The following NRG3 variants were observed in gnomAD, a reference collection of about 807,000 sequenced individuals.
NRG3 encodes the protein pro-neuregulin-3, membrane-bound isoform.
NRG3 carries 31 observed loss-of-function variants against 66.9 expected under a neutral mutation model. The observed-to-expected ratio is 0.46, with a 90% CI of 0.35 to 0.63. The LOEUF (loss-of-function observed/expected upper bound fraction) is 0.63, where lower values mean the gene tolerates loss of function less well. Among genes scored for constraint, NRG3 ranks in the 20% least tolerant of loss-of-function variants. The pLI is 0.00. For synonymous variants in NRG3, 393 were observed against 359.4 expected, an observed-to-expected ratio of 1.09 and a Z score of -1.06; for missense variants, 910 against 878.9, an observed-to-expected ratio of 1.04 and a Z score of -0.45.
chr10:82,154,969 T>G (rs2071076410), intron 1 of NRG3, among the ~76,000 whole-genome samples: 1 of 151,816 alleles, frequency 6.6e-6, no homozygotes, highest in Admixed American at 6.6e-5. Context: ...TAGGGTTTCT[T>G]CTATATAAGA....
intron 3 of NRG3, among the ~76,000 whole-genome samples, chr10:82,805,444 C>T (rs987124797): frequency 3.3e-5 from 5 of 152,114 alleles, no homozygotes; most frequent in Middle Eastern, 3.4e-3. Flanking sequence ...CTGTGTCTTT[C>T]TTTTATTTAT....
chr10:82,055,798 G>A (rs2133184377), intron 1 of NRG3, among the ~76,000 whole-genome samples: 1 of 152,244 alleles, frequency 6.6e-6, no homozygotes, highest in East Asian at 1.9e-4. Context: ...CGATGAGAAG[G>A]GCTGGAACAG....
intron 6 of NRG3, among the ~76,000 whole-genome samples, chr10:82,972,973 T>C (rs933659157): frequency 6.6e-6 from 1 of 152,182 alleles, no homozygotes; most frequent in African/African-American, 2.4e-5. Flanking sequence ...GATTCAAAAC[T>C]CTCTTTTATT....
At chr10:82,547,282 T>C (rs664183) in intron 2 of NRG3, among the ~76,000 whole-genome samples, 31,602 of 151,634 alleles carry the variant, frequency 0.21, 4,546 homozygotes, top group African/African-American at 0.41. Flanking sequence ...ACTTCATTCA[T>C]TTTCAGATAC....
At chr10:82,730,239 C>T (rs560742156) in intron 2 of NRG3, among the ~76,000 whole-genome samples, 135 of 152,062 alleles carry the variant, frequency 8.9e-4, no homozygotes, top group African/African-American at 2.2e-3. Flanking sequence ...TGCCCACCAC[C>T]GTGCCTGGCT....
chr10:82,157,449 A>G (rs1397626808), intron 1 of NRG3, among the ~76,000 whole-genome samples: 1 of 151,790 alleles, frequency 6.6e-6, no homozygotes, highest in Non-Finnish European at 1.5e-5. Flanking sequence ...TATTTTTCTT[A>G]TAAGTATCTC....
At chr10:82,696,707 GAGTCA>G (rs2055412802) in intron 2 of NRG3, among the ~76,000 whole-genome samples, 1 of 150,552 alleles carries the variant, frequency 6.6e-6, no homozygotes, top group Admixed American at 6.6e-5. Context: ...CCAAGTCCAA[GAGTCA>G]AGCAAAAGGC....
rs539364493 is a variant in NRG3, at chr10:82,046,311, T to A, written c.823+170148T>A. On this transcript the variant is annotated intron_variant, in intron 1 of 8. Transcript: ENST00000372141. ...CCCTTGTAAATTGGATTCCTAGGTATTATATTCTCTTTGAAGCAATTGTGA... is the reference window on the plus strand; with the variant it reads ...CCCTTGTAAATTGGATTCCTAGGTAATATATTCTCTTTGAAGCAATTGTGA... 2.9e-4 allele frequency among the ~76,000 whole-genome samples: 13 copies of A among 45,354 alleles called. 2 individuals are homozygous for A. Among genetic ancestry groups the A allele is most frequent in the African/African-American group, 5.6e-4 (13 of 23,196 alleles). The allele number at this position is 45,354 out of a possible 152,430, so 29.8% of individuals were successfully genotyped here. A position where few individuals can be genotyped will look rare whatever the true frequency, so the allele number is the denominator to read the frequency against.
At chr10:82,549,950 G>C (rs1406634743) in intron 2 of NRG3, among the ~76,000 whole-genome samples, 5 of 152,138 alleles carry the variant, frequency 3.3e-5, no homozygotes, top group African/African-American at 1.2e-4. Flanking sequence ...GTATGGATTA[G>C]AAGAGACAGG....
intron 1 of NRG3, among the ~76,000 whole-genome samples, chr10:81,898,925 G>T (rs1216946163): frequency 6.6e-6 from 1 of 152,102 alleles, no homozygotes; most frequent in East Asian, 1.9e-4. Context: ...ACACCAAATT[G>T]TTAAAAGCAG....
intron 3 of NRG3, among the ~76,000 whole-genome samples, chr10:82,820,374 C>T (rs1196518422): frequency 6.6e-6 from 1 of 152,120 alleles, no homozygotes; most frequent in Non-Finnish European, 1.5e-5. Flanking sequence ...CTTTCCTTTT[C>T]CTTCTCTTTA....
chr10:82,951,198 A>G (rs1465299574), intron 4 of NRG3, among the ~76,000 whole-genome samples: 2 of 152,224 alleles, frequency 1.3e-5, no homozygotes, highest in African/African-American at 2.4e-5. Flanking sequence ...TCCTAAAGTC[A>G]TAGAATGTCT....
chr10:82,834,616 C>G (rs1283690846), intron 3 of NRG3, among the ~76,000 whole-genome samples: 6 of 152,148 alleles, frequency 3.9e-5, no homozygotes, highest in Non-Finnish European at 1.5e-5. Flanking sequence ...TCTTTCTGTC[C>G]TGGATGGTCT....
intron 3 of NRG3, among the ~76,000 whole-genome samples, chr10:82,854,910 G>A (rs1373288363): frequency 6.6e-6 from 1 of 152,112 alleles, no homozygotes; most frequent in Non-Finnish European, 1.5e-5. Context: ...CTACATTACA[G>A]TATTTGGCTG....
At chr10:82,763,934 TA>T (rs2059419133) in intron 3 of NRG3, among the ~76,000 whole-genome samples, 1 of 152,232 alleles carries the variant, frequency 6.6e-6, no homozygotes, top group Non-Finnish European at 1.5e-5. Flanking sequence ...TTGAATGAAG[TA>T]AAATATGTTA....
chr10:82,399,914 A>G (rs1233465833), intron 2 of NRG3, among the ~76,000 whole-genome samples: 2 of 152,166 alleles, frequency 1.3e-5, no homozygotes, highest in South Asian at 2.1e-4. Context: ...ATCTACAGAA[A>G]TAGGATTATG....
At chr10:82,596,589 G>C (rs1375015567) in intron 2 of NRG3, among the ~76,000 whole-genome samples, 4 of 152,082 alleles carry the variant, frequency 2.6e-5, no homozygotes, top group Non-Finnish European at 5.9e-5. Flanking sequence ...GTAAGGTAAG[G>C]GTTGGTAGCT....
At chr10:82,864,617 A>G (rs919969604) in intron 3 of NRG3, among the ~76,000 whole-genome samples, 2 of 152,228 alleles carry the variant, frequency 1.3e-5, no homozygotes, top group African/African-American at 4.8e-5. Context: ...ATTTAAATAG[A>G]GGAACATCTG....
At chr10:82,053,144 T>A (rs113332808) in intron 1 of NRG3, among the ~76,000 whole-genome samples, 1 of 150,436 alleles carries the variant, frequency 6.6e-6, no homozygotes, top group Non-Finnish European at 1.5e-5. Context: ...TTTTTTTTTT[T>A]AACATTTCAG....
Sources: allele counts gnomAD v4.1 joint callset (sites outside exome capture counted in the v4.1 genomes callset), GRCh38; gene constraint gnomAD v4.1.1; transcripts MANE v1.5; gene names NCBI Gene and HGNC (gene_info 2026-07-23, HGNC 2026-07-21).